The following TAOK1 variants were observed in gnomAD, a reference collection of about 807,000 sequenced individuals.
TAOK1 encodes the protein TAO kinase 1, also known as serine/threonine-protein kinase TAO1.
TAOK1 carries 21 observed loss-of-function variants against 138.3 expected under a neutral mutation model. The ratio of observed to expected loss-of-function variants is 0.15; its 90% CI spans 0.11 to 0.22. TAOK1 has a LOEUF of 0.22. Among genes scored for constraint, TAOK1 ranks in the 10% least tolerant of loss-of-function variants. The pLI is 1.00. For missense variants in TAOK1, 651 were observed against 1,227.7 expected, an observed-to-expected ratio of 0.53 and a Z score of 7.02; for synonymous variants, 361 against 398.4, an observed-to-expected ratio of 0.91 and a Z score of 1.12.
rs182331404 is a variant in TAOK1, at chr17:29,446,925, A to G, written c.-94-4530A>G. 6.2e-3 allele frequency among the ~76,000 whole-genome samples: 935 copies of G among 151,602 alleles called. 8 individuals are homozygous for G. The highest frequency in any genetic ancestry group is 7.2e-3 in the Non-Finnish European group (490 of 67,858). On this transcript the variant is annotated intron_variant, in intron 1 of 19. Coordinates refer to ENST00000261716, the MANE Select transcript of TAOK1 (RefSeq NM_020791.4). ...ATCTAATTTTTAGTATTTTTAGTAG[A>G]GGTAAAGTTTCACCATGTTGGCCAG... is the stretch of plus-strand genomic sequence containing the variant.
rs528533125 is a variant in TAOK1 at position 29,480,550 on chromosome 17, A to T, written c.563+69A>T. ...CTATGTTTAACATGAAATACAAATG[A>T]AGTGTAAGGTAAAGTACTGTCAGGA... On this transcript the variant is annotated intron_variant, in intron 7 of 19. Coordinates refer to ENST00000261716, the MANE Select transcript of TAOK1 (RefSeq NM_020791.4). 12 of 1,341,768 alleles carry T rather than the reference A, an allele frequency of 8.9e-6. No individual in the cohort carries two copies. In the Admixed American group the frequency reaches 1.9e-4, roughly 22 times the overall value. The allele number at this position is 1,341,768 out of a possible 1,614,324, so 83.1% of individuals were successfully genotyped here.
At chr17:29,391,748 C>G (rs1490059289) in intron 1 of TAOK1, among the ~76,000 whole-genome samples, 2 of 152,184 alleles carry the variant, frequency 1.3e-5, no homozygotes, top group African/African-American at 2.4e-5. Flanking sequence ...GGGGATATGG[C>G]CTCTCGAGAG....
Position 29,548,533 on chromosome 17 carries a change from C to G in TAOK1, c.*5511C>G, listed in dbSNP as rs370106162. The G allele has an allele frequency of 1.3e-5, 2 of 152,140 alleles. No homozygotes were observed. Among genetic ancestry groups the G allele is most frequent in the African/African-American group, 4.8e-5 (2 of 41,524 alleles). The allele number at this position is 152,140 out of a possible 1,614,324, so 9.4% of individuals were successfully genotyped here. ...CAGGATGCCCACTGGATATACTAATCTGAACATCTGTAGGTAGTTTGTCAT... is the reference window on the plus strand; with the variant it reads ...CAGGATGCCCACTGGATATACTAATGTGAACATCTGTAGGTAGTTTGTCAT... On this transcript the variant is annotated 3_prime_UTR_variant, in exon 20 of 20. Transcript: ENST00000261716.
chr17:29,423,714 C>T (rs1015757694), intron 1 of TAOK1, among the ~76,000 whole-genome samples: 1 of 151,844 alleles, frequency 6.6e-6, no homozygotes, highest in East Asian at 1.9e-4. Flanking sequence ...TCTGTGTGGT[C>T]GGAAAACATA....
chr17:29,474,626 T>A (rs1323174119), intron 3 of TAOK1, among the ~76,000 whole-genome samples: 2 of 152,172 alleles, frequency 1.3e-5, no homozygotes, highest in African/African-American at 2.4e-5. Context: ...ATTCACCATC[T>A]TATATGGGCA....
intron 11 of TAOK1, among the ~76,000 whole-genome samples, chr17:29,496,875 C>T (rs914801787): frequency 6.6e-6 from 1 of 151,962 alleles, no homozygotes; most frequent in African/African-American, 2.4e-5. Flanking sequence ...TGTGAGCCAC[C>T]GCACCTGGCC....
intron 1 of TAOK1, among the ~76,000 whole-genome samples, chr17:29,400,579 C>T (rs1306263534): frequency 2.6e-5 from 4 of 152,022 alleles, no homozygotes; most frequent in Non-Finnish European, 5.9e-5. Flanking sequence ...TATGTCCTTA[C>T]CTTGAAAGTG....
At chr17:29,398,064 T>C (rs1345276916) in intron 1 of TAOK1, among the ~76,000 whole-genome samples, 1 of 152,036 alleles carries the variant, frequency 6.6e-6, no homozygotes, top group African/African-American at 2.4e-5. Context: ...AAACGGGGTC[T>C]CTATGTTGCC....
At chr17:29,452,843 C>G (rs916038797) in intron 2 of TAOK1, among the ~76,000 whole-genome samples, 2 of 152,134 alleles carry the variant, frequency 1.3e-5, no homozygotes, top group Non-Finnish European at 2.9e-5. Context: ...GAATAATATT[C>G]CATTGTATAT....
At chr17:29,491,647 G>A in intron 9 of TAOK1, 137 bp from the exon 10 acceptor site, 1 of 611,312 alleles carries the variant, frequency 1.6e-6, no homozygotes, top group East Asian at 2.7e-5. Context: ...AGACTTATAT[G>A]AAACTGTATA....
At chr17:29,405,810 A>G (rs1216458148) in intron 1 of TAOK1, among the ~76,000 whole-genome samples, 1 of 152,150 alleles carries the variant, frequency 6.6e-6, no homozygotes, top group Non-Finnish European at 1.5e-5. Flanking sequence ...TTAGCCAGTA[A>G]GTTATGTAGC....
intron 1 of TAOK1, among the ~76,000 whole-genome samples, chr17:29,410,634 G>GTT (rs1905118074): frequency 2.1e-5 from 2 of 93,102 alleles, no homozygotes; most frequent in African/African-American, 9.1e-5. Flanking sequence ...TTTTTTTTTT[G>GTT]GTTTTTTTTT....
chr17:29,440,643 TCAGCTTACTG>T (rs1167874521), intron 1 of TAOK1, among the ~76,000 whole-genome samples: 1 of 152,042 alleles, frequency 6.6e-6, no homozygotes, highest in Non-Finnish European at 1.5e-5. Context: ...TCACGCGATC[TCAGCTTACTG>T]CAGCCTCTGC....
intron 1 of TAOK1, among the ~76,000 whole-genome samples, chr17:29,394,488 T>G (rs945032212): frequency 5.3e-5 from 8 of 152,254 alleles, no homozygotes; most frequent in Admixed American, 5.2e-4. Context: ...TTAATAGACA[T>G]GAATATTTAG....
chr17:29,508,219 C>G, intron 14 of TAOK1, 87 bp downstream of exon 14: 2 of 1,189,602 alleles, frequency 1.7e-6, no homozygotes, highest in African/African-American at 3.0e-5. Flanking sequence ...GTTAGCGTAT[C>G]TGTTCCCGTG....
At chr17:29,473,112 T>G (rs2030865282) in intron 3 of TAOK1, among the ~76,000 whole-genome samples, 1 of 152,206 alleles carries the variant, frequency 6.6e-6, no homozygotes, top group African/African-American at 2.4e-5. Context: ...CTTAAATGGA[T>G]GTACTGTCAT....
At position 29,545,876 on chromosome 17, in the gene TAOK1, T is replaced by A. The variant is rs2032394990; in HGVS notation, c.*2854T>A. ...TAAGAAAATTAAAACTATGGAAAAT[T>A]TGTCTAGCATATCAGAAGTTGTAAA... On this transcript the variant is annotated 3_prime_UTR_variant, in exon 20 of 20. Transcript: ENST00000261716. 6.6e-6 allele frequency: 1 copy of A among 152,136 alleles called. No homozygotes were observed. Among genetic ancestry groups the A allele is most frequent in the Non-Finnish European group, 1.5e-5 (1 of 67,988 alleles). 9.4% of individuals were successfully genotyped at this position (152,136 alleles called of 1,614,324 possible).
chr17:29,537,111 G>T (rs1230363578), intron 19 of TAOK1, among the ~76,000 whole-genome samples: 3 of 152,214 alleles, frequency 2.0e-5, no homozygotes, highest in East Asian at 3.8e-4. Context: ...TGTTATGAGA[G>T]AAATATTGGC....
intron 18 of TAOK1, among the ~76,000 whole-genome samples, chr17:29,532,760 C>T (rs534079851): frequency 2.0e-5 from 3 of 152,198 alleles, no homozygotes; most frequent in East Asian, 3.9e-4. Context: ...TACACAGACA[C>T]GGCAACCATC....
Sources: allele counts gnomAD v4.1 joint callset (sites outside exome capture counted in the v4.1 genomes callset), GRCh38; gene constraint gnomAD v4.1.1; transcripts MANE v1.5; gene names NCBI Gene and HGNC (gene_info 2026-07-23, HGNC 2026-07-21).